The following TRPM6 variants were observed in gnomAD, a reference collection of about 807,000 sequenced individuals.
The protein encoded by TRPM6 is channel kinase 2.
Under a neutral mutation model 247.6 loss-of-function variants are expected in TRPM6, and 111 were observed. The observed-to-expected ratio is 0.45, with a 90% CI of 0.38 to 0.52. TRPM6 has a LOEUF of 0.52. TRPM6 is among the 20% of genes least tolerant of loss of function. The pLI is 0.00. For synonymous variants in TRPM6, 892 were observed against 853.8 expected, an observed-to-expected ratio of 1.04 and a Z score of -0.78; for missense variants, 2,126 against 2,421.5, an observed-to-expected ratio of 0.88 and a Z score of 2.56.
At chr9:74,785,659 A>T (rs1391029901) in intron 21 of TRPM6, among the ~76,000 whole-genome samples, 1 of 152,084 alleles carries the variant, frequency 6.6e-6, no homozygotes. Context: ...AGTAGCTGGG[A>T]CTACAGGTGC....
Position 74,776,369 on chromosome 9 carries a change from C to A in TRPM6, c.3210-293G>T, listed in dbSNP as rs188796462. Among the ~76,000 whole-genome samples the A allele has an allele frequency of 3.3e-5, 5 of 152,196 alleles. No homozygotes were observed. The East Asian group carries it at 9.7e-4, about 30-fold the overall frequency. On this transcript the variant is annotated intron_variant, in intron 23 of 38. Coordinates refer to ENST00000360774, the MANE Select transcript of TRPM6 (RefSeq NM_017662.5). The stretch of plus-strand genomic sequence containing the variant: ...ACAGAAAATCCATTCTGGAACTCAA[C>A]ACTACTCTCAAGTCACCATCTCTTC...
At chr9:74,829,388 A>G (rs1829467817) in intron 6 of TRPM6, among the ~76,000 whole-genome samples, 1 of 152,198 alleles carries the variant, frequency 6.6e-6, no homozygotes, top group Admixed American at 6.5e-5. Context: ...ATTAATGGAC[A>G]TTTTCTTAAG....
chr9:74,774,033 G>C (rs1827134175), intron 24 of TRPM6, among the ~76,000 whole-genome samples: 1 of 152,182 alleles, frequency 6.6e-6, no homozygotes, highest in Non-Finnish European at 1.5e-5. Flanking sequence ...TCCAATGACA[G>C]GCGCAGCTTG....
chr9:74,741,707 T>C (rs1331881521), intron 33 of TRPM6, among the ~76,000 whole-genome samples: 2 of 151,796 alleles, frequency 1.3e-5, no homozygotes, highest in South Asian at 2.1e-4. Context: ...CTTAGTAACA[T>C]GGTGAAACCC....
chr9:74,834,249 C>T, intron 5 of TRPM6, 127 bp from the exon 6 acceptor site: 5 of 1,133,594 alleles, frequency 4.4e-6, no homozygotes, highest in Non-Finnish European at 5.2e-6. Context: ...GTTGCTGGTA[C>T]AGTGGAATTA....
chr9:74,843,701 G>C (rs945163541), intron 3 of TRPM6, among the ~76,000 whole-genome samples: 15 of 151,552 alleles, frequency 9.9e-5, no homozygotes, highest in Admixed American at 8.6e-4. Context: ...TGTAATCCCA[G>C]CTACTTGGGA....
At chr9:74,876,989 T>C (rs186492188) in intron 1 of TRPM6, among the ~76,000 whole-genome samples, 39 of 152,304 alleles carry the variant, frequency 2.6e-4, no homozygotes, top group Admixed American at 1.5e-3. Flanking sequence ...CATGAAAAGA[T>C]GCTCAAAATC....
intron 1 of TRPM6, among the ~76,000 whole-genome samples, chr9:74,872,600 TTG>T (rs59577843): frequency 2.5e-4 from 38 of 150,188 alleles, no homozygotes; most frequent in East Asian, 1.0e-3. Context: ...CCAGCAAATT[TTG>T]TGTGTGTGTG....
chr9:74,875,369 C>G (rs987796120), intron 1 of TRPM6: 4 of 386,268 alleles, frequency 1.0e-5, no homozygotes, highest in Non-Finnish European at 2.1e-5. Flanking sequence ...AAGGTAAAAC[C>G]CTGTCTCTAC....
intron 9 of TRPM6, among the ~76,000 whole-genome samples, chr9:74,817,635 T>C (rs1828983545): frequency 6.6e-6 from 1 of 152,152 alleles, no homozygotes; most frequent in Non-Finnish European, 1.5e-5. Context: ...TACTTATGGT[T>C]CCAAAGGGTC....
chr9:74,855,224 G>A (rs1039949749), intron 3 of TRPM6, among the ~76,000 whole-genome samples: 19 of 152,160 alleles, frequency 1.2e-4, no homozygotes, highest in African/African-American at 2.7e-4. Flanking sequence ...TCCCGTATGC[G>A]CATGCAGCAT....
At chr9:74,758,661 A>T (rs907360752) in intron 27 of TRPM6, among the ~76,000 whole-genome samples, 17 of 152,172 alleles carry the variant, frequency 1.1e-4, no homozygotes, top group Admixed American at 3.3e-4. Context: ...CTATAGAAAA[A>T]CCTATAGCTA....
At chr9:74,816,565 C>T (rs1255122537) in intron 11 of TRPM6, 104 bp downstream of exon 11, 4 of 941,870 alleles carry the variant, frequency 4.2e-6, no homozygotes, top group East Asian at 2.6e-5. Context: ...CTACCCCACA[C>T]TTCTACCAAA....
chr9:74,822,120 T>A (rs1347559548), intron 7 of TRPM6, among the ~76,000 whole-genome samples: 2 of 152,216 alleles, frequency 1.3e-5, no homozygotes, highest in African/African-American at 2.4e-5. Flanking sequence ...AAGAAATAAG[T>A]ATTCCATTAC....
chr9:74,764,577 T>C (rs1050881990), intron 25 of TRPM6, among the ~76,000 whole-genome samples: 3 of 152,180 alleles, frequency 2.0e-5, no homozygotes, highest in Admixed American at 1.3e-4. Context: ...ACTTCTAGCT[T>C]CCAGAAGTCT....
chr9:74,785,567 A>G (rs916717730), intron 21 of TRPM6, among the ~76,000 whole-genome samples: 3 of 152,018 alleles, frequency 2.0e-5, no homozygotes, highest in Non-Finnish European at 4.4e-5. Context: ...CTGTCGCTCA[A>G]GCTGGAGTGC....
chr9:74,800,043 C>A, intron 17 of TRPM6: 1 of 590,410 alleles, frequency 1.7e-6, no homozygotes, highest in Admixed American at 2.8e-5. Flanking sequence ...GTCGCTCAGT[C>A]GCAGAAGACG....
At chr9:74,805,242 C>A (rs1054333427) in intron 14 of TRPM6, among the ~76,000 whole-genome samples, 4 of 152,140 alleles carry the variant, frequency 2.6e-5, no homozygotes, top group Non-Finnish European at 5.9e-5. Flanking sequence ...AGTCATTCTC[C>A]TAGGAAGAAA....
intron 19 of TRPM6, among the ~76,000 whole-genome samples, chr9:74,791,157 C>G (rs1025691920): frequency 3.9e-5 from 6 of 152,214 alleles, no homozygotes; most frequent in African/African-American, 1.4e-4. Context: ...GGTTAAAACT[C>G]TCCCAGCACT....
Sources: allele counts gnomAD v4.1 joint callset (sites outside exome capture counted in the v4.1 genomes callset), GRCh38; gene constraint gnomAD v4.1.1; transcripts MANE v1.5; gene names NCBI Gene and HGNC (gene_info 2026-07-23, HGNC 2026-07-21).